Variants in GPHN observed in about 807,000 individuals in gnomAD.
GPHN encodes the protein gephyrin.
GPHN carries 17 observed loss-of-function variants against 95.5 expected under a neutral mutation model. The ratio of observed to expected loss-of-function variants is 0.18; its 90% CI spans 0.12 to 0.27. The LOEUF is 0.27. Ranked by LOEUF, GPHN falls within the 10% of genes least tolerant of loss-of-function variation. The pLI, the probability that GPHN is intolerant of heterozygous loss-of-function variation, is 1.00. For missense variants in GPHN, 660 were observed against 978.1 expected (o/e 0.67, Z 4.34); for synonymous variants, 320 against 322.5 (o/e 0.99, Z 0.08).
the GPHN span, among the ~76,000 whole-genome samples, chr14:67,475,755 C>A: frequency 6.6e-6 from 1 of 152,190 alleles, no homozygotes; most frequent in Non-Finnish European, 1.5e-5. Flanking sequence ...TAAACCCCAC[C>A]AGTCTTCAAC....
the GPHN span, among the ~76,000 whole-genome samples, chr14:67,424,294 G>A: frequency 6.6e-6 from 1 of 151,502 alleles, no homozygotes; most frequent in Non-Finnish European, 1.5e-5. Flanking sequence ...AAGGGGAGAG[G>A]AGAAGCTAAA....
intron 3 of GPHN, among the ~76,000 whole-genome samples, chr14:66,802,011 A>G (rs138831199): frequency 4.9e-4 from 75 of 152,300 alleles, no homozygotes; most frequent in African/African-American, 1.6e-3. Flanking sequence ...TACAATCAGC[A>G]GGTTACAAAG....
intron 1 of GPHN, among the ~76,000 whole-genome samples, chr14:66,584,724 C>T (rs2140506820): frequency 6.6e-6 from 1 of 152,224 alleles, no homozygotes; most frequent in Non-Finnish European, 1.5e-5. Context: ...AGCCTTGCAT[C>T]CCCGGGATGA....
chr14:67,156,170 T>C (rs927652792), intron 18 of GPHN, among the ~76,000 whole-genome samples: 1 of 152,092 alleles, frequency 6.6e-6, no homozygotes, highest in Non-Finnish European at 1.5e-5. Flanking sequence ...TGTAAATGAG[T>C]GTTGATCATG....
At chr14:66,949,621 G>T (rs117085813) in intron 8 of GPHN, among the ~76,000 whole-genome samples, 2,303 of 152,248 alleles carry the variant, frequency 0.015, 33 homozygotes, top group Non-Finnish European at 0.018. Flanking sequence ...TTGTACATAG[G>T]TGCTTTGGGA....
chr14:66,927,844 T>C (rs2066566551), intron 8 of GPHN, among the ~76,000 whole-genome samples: 1 of 152,190 alleles, frequency 6.6e-6, no homozygotes, highest in African/African-American at 2.4e-5. Flanking sequence ...TCACATTGAT[T>C]GATTTGCCTA....
At chr14:67,623,669 G>C in the GPHN span, among the ~76,000 whole-genome samples, 2 of 149,086 alleles carry the variant, frequency 1.3e-5, no homozygotes, top group Admixed American at 1.4e-4. Context: ...AACCTCCAAA[G>C]TAGCTGGGAT....
At chr14:67,221,912 A>G in the GPHN span, 2 of 1,415,730 alleles carry the variant, frequency 1.4e-6, no homozygotes, top group Non-Finnish European at 1.9e-6. Context: ...GAATTCAGCT[A>G]GACTTTTTGA....
chr14:67,555,750 T>C, the GPHN span: 1 of 1,577,604 alleles, frequency 6.3e-7, no homozygotes, highest in Non-Finnish European at 8.6e-7. Flanking sequence ...TGCACAGTTC[T>C]CTAAAGTGGC....
At chr14:66,804,591 A>C (rs1050329837) in intron 3 of GPHN, among the ~76,000 whole-genome samples, 7 of 152,184 alleles carry the variant, frequency 4.6e-5, no homozygotes, top group Non-Finnish European at 7.3e-5. Context: ...ATTCTTCCTT[A>C]GCAGAGGTTG....
the GPHN span, chr14:67,279,447 A>C: frequency 6.2e-7 from 1 of 1,613,492 alleles, no homozygotes; most frequent in South Asian, 1.1e-5. Flanking sequence ...ACTAGCCCAA[A>C]TTCCTCCAAA....
chr14:66,554,416 A>G (rs564416218), intron 1 of GPHN, among the ~76,000 whole-genome samples: 1 of 152,332 alleles, frequency 6.6e-6, no homozygotes, highest in East Asian at 1.9e-4. Context: ...AAAGAGATTT[A>G]ATTGACTCAC....
the GPHN span, among the ~76,000 whole-genome samples, chr14:67,476,227 C>T: frequency 6.6e-6 from 1 of 152,332 alleles, no homozygotes; most frequent in South Asian, 2.1e-4. Context: ...TAATACCTAC[C>T]CAGCCTTGTG....
chr14:67,194,768 C>T, the GPHN span, among the ~76,000 whole-genome samples: 1 of 152,186 alleles, frequency 6.6e-6, no homozygotes. Flanking sequence ...AGTGATTCTC[C>T]TGCCTCAGTC....
chr14:67,274,582 T>G, the GPHN span, among the ~76,000 whole-genome samples: 1 of 152,216 alleles, frequency 6.6e-6, no homozygotes, highest in Admixed American at 6.5e-5. Flanking sequence ...TTCTTTTGGC[T>G]TAGGGTTGTC....
rs764797083 is a variant in GPHN at position 66,776,468 on chromosome 14, G to T, written c.148G>T (p.Gly50Cys). ...ATTTTCTTCTCCTAATTTCAGGTTG[G>T]GTGGGACTATATCAGCATACAAGAT... ...KDLVQDPSLL[G>C]GTISAYKIVP... is the part of the protein sequence containing the mutation. Residue 50 changes from glycine to cysteine, a missense_variant, in exon 3 of 23, where the codon GGT (glycine) becomes TGT (cysteine). Gly to Cys is a radical substitution (Grantham distance 159). This residue lies in a region of GPHN where 92 missense variants were observed against 91.9 expected (regional missense o/e 1.00). Coordinates refer to ENST00000478722, the MANE Select transcript of GPHN (RefSeq NM_020806.5). The T allele has an allele frequency of 1.3e-6, 2 of 1,554,432 alleles. No homozygotes were observed. Among genetic ancestry groups the T allele is most frequent in the Non-Finnish European group, 8.9e-7 (1 of 1,127,732 alleles).
chr14:66,753,470 G>A (rs2058445515), intron 2 of GPHN, among the ~76,000 whole-genome samples: 1 of 151,594 alleles, frequency 6.6e-6, no homozygotes, highest in African/African-American at 2.4e-5. Flanking sequence ...GAGTTTTAGG[G>A]TGGCAGTCAT....
At chr14:66,798,609 A>G (rs1319321057) in intron 3 of GPHN, among the ~76,000 whole-genome samples, 3 of 151,948 alleles carry the variant, frequency 2.0e-5, no homozygotes, top group Non-Finnish European at 4.4e-5. Flanking sequence ...AGTTGCTAAT[A>G]GTAGCCACTA....
At chr14:67,029,385 T>C (rs893922764) in intron 10 of GPHN, among the ~76,000 whole-genome samples, 2 of 151,846 alleles carry the variant, frequency 1.3e-5, no homozygotes, top group African/African-American at 4.8e-5. Context: ...TTGCCCAGGC[T>C]GGTGTGCAAT....
Sources: allele counts gnomAD v4.1 joint callset (sites outside exome capture counted in the v4.1 genomes callset), GRCh38; gene constraint gnomAD v4.1.1; regional missense constraint gnomAD v4.1.1; transcripts MANE v1.5; gene names NCBI Gene and HGNC (gene_info 2026-07-23, HGNC 2026-07-21).